CLYBL: variants seen among roughly 807,000 people sequenced by gnomAD.
CLYBL encodes the protein citramalyl-CoA lyase, mitochondrial.
In CLYBL, 31 loss-of-function variants were observed where a neutral mutation model predicts 38.9. The observed-to-expected ratio is 0.80, with a 90% CI of 0.60 to 1.08. The LOEUF (loss-of-function observed/expected upper bound fraction) is 1.08, where lower values mean the gene tolerates loss of function less well. Among genes scored for constraint, CLYBL ranks in the 50% least tolerant of loss-of-function variants. The pLI is 0.00. For missense variants in CLYBL, 434 were observed against 411.6 expected (o/e 1.05, Z -0.47); for synonymous variants, 171 against 158.6 (o/e 1.08, Z -0.59).
At chr13:99,890,072 C>A (rs905285209) in intron 7 of CLYBL, among the ~76,000 whole-genome samples, 1 of 152,184 alleles carries the variant, frequency 6.6e-6, no homozygotes, top group Non-Finnish European at 1.5e-5. Flanking sequence ...CACAAATAAC[C>A]AGACATTAAC....
intron 1 of CLYBL, among the ~76,000 whole-genome samples, chr13:99,676,544 C>T (rs2047654828): frequency 1.3e-5 from 2 of 151,868 alleles, no homozygotes; most frequent in African/African-American, 4.8e-5. Flanking sequence ...GTCACCTCAG[C>T]CTCCCAAAGT....
intron 2 of CLYBL, among the ~76,000 whole-genome samples, chr13:99,828,487 C>T (rs1369653127): frequency 6.6e-6 from 1 of 152,160 alleles, no homozygotes; most frequent in East Asian, 1.9e-4. Flanking sequence ...AAAATGGTAT[C>T]ATTTCCTAGT....
intron 2 of CLYBL, among the ~76,000 whole-genome samples, chr13:99,832,156 A>G (rs541391623): frequency 6.6e-6 from 1 of 152,256 alleles, no homozygotes; most frequent in Admixed American, 6.5e-5. Flanking sequence ...TTGTGTTCTT[A>G]TTTGCTTTTC....
At chr13:99,780,934 G>A (rs1274558077) in intron 2 of CLYBL, among the ~76,000 whole-genome samples, 1 of 144,786 alleles carries the variant, frequency 6.9e-6, no homozygotes, top group Non-Finnish European at 1.5e-5. Flanking sequence ...GTCTGGTCTC[G>A]AACTCCTGAC....
At chr13:99,903,673 G>T (rs1206545683) in intron 8 of CLYBL, among the ~76,000 whole-genome samples, 1 of 152,096 alleles carries the variant, frequency 6.6e-6, no homozygotes, top group East Asian at 1.9e-4. Context: ...TTCTAAATTC[G>T]TAAGATCTGC....
chr13:99,864,720 G>C, intron 4 of CLYBL, 98 bp from the exon 5 acceptor site: 1 of 799,048 alleles, frequency 1.3e-6, no homozygotes, highest in Non-Finnish European at 2.1e-6. Flanking sequence ...GCCAAACTGT[G>C]TTAAGAGTCA....
chr13:99,854,699 A>G (rs919756740), intron 2 of CLYBL, among the ~76,000 whole-genome samples: 7 of 152,148 alleles, frequency 4.6e-5, no homozygotes, highest in African/African-American at 7.2e-5. Flanking sequence ...ATGGGTGCCA[A>G]TTGAACCAAC....
At chr13:99,748,533 C>T (rs1012510440) in intron 1 of CLYBL, among the ~76,000 whole-genome samples, 7 of 146,220 alleles carry the variant, frequency 4.8e-5, no homozygotes, top group African/African-American at 7.6e-5. Context: ...TCCGCCTCCC[C>T]GGTTCAAGCG....
At chr13:99,616,656 TTAA>T (rs1266499489) in intron 1 of CLYBL, among the ~76,000 whole-genome samples, 1 of 152,158 alleles carries the variant, frequency 6.6e-6, no homozygotes, top group Non-Finnish European at 1.5e-5. Context: ...GGTGCTCTAT[TTAA>T]TAATAAAGGA....
chr13:99,728,578 T>C (rs1399643480), intron 1 of CLYBL, among the ~76,000 whole-genome samples: 3 of 151,890 alleles, frequency 2.0e-5, no homozygotes, highest in African/African-American at 7.2e-5. Context: ...TTCTTTTTTT[T>C]TTTTTCTTTT....
chr13:99,747,039 A>G (rs190687614), intron 1 of CLYBL, among the ~76,000 whole-genome samples: 4 of 152,216 alleles, frequency 2.6e-5, no homozygotes, highest in African/African-American at 4.8e-5. Context: ...AGGAAAAAAA[A>G]TCCCTCCAGT....
At chr13:99,844,150 C>T (rs773188685) in intron 2 of CLYBL, among the ~76,000 whole-genome samples, 4 of 152,110 alleles carry the variant, frequency 2.6e-5, no homozygotes, top group African/African-American at 4.8e-5. Flanking sequence ...TACAGGCTAT[C>T]GGGTAACTCA....
intron 1 of CLYBL, among the ~76,000 whole-genome samples, chr13:99,697,939 C>T (rs2048005144): frequency 6.6e-6 from 1 of 152,168 alleles, no homozygotes; most frequent in African/African-American, 2.4e-5. Flanking sequence ...TGAGCCACCC[C>T]ACCGGGCCTC....
intron 1 of CLYBL, among the ~76,000 whole-genome samples, chr13:99,768,273 C>T (rs2138769442): frequency 7.1e-6 from 1 of 141,464 alleles, no homozygotes; most frequent in East Asian, 2.1e-4. Flanking sequence ...CAGCTCACTG[C>T]AGCCTACACT....
At chr13:99,617,603 GTC>G (rs1260343203) in intron 1 of CLYBL, among the ~76,000 whole-genome samples, 4 of 151,142 alleles carry the variant, frequency 2.6e-5, no homozygotes, top group Admixed American at 1.3e-4. Context: ...GATGCACGCA[GTC>G]TCTGCAGTCT....
intron 1 of CLYBL, among the ~76,000 whole-genome samples, chr13:99,741,564 G>C (rs934315471): frequency 1.3e-5 from 2 of 151,812 alleles, no homozygotes; most frequent in East Asian, 3.9e-4. Flanking sequence ...GGGGGGTGGG[G>C]GTCGGGGGAC....
At chr13:99,765,656 CT>C (rs1384473255) in intron 1 of CLYBL, among the ~76,000 whole-genome samples, 1 of 151,960 alleles carries the variant, frequency 6.6e-6, no homozygotes, top group African/African-American at 2.4e-5. Flanking sequence ...CAAATCCTCC[CT>C]CTCAGCCTCC....
intron 2 of CLYBL, among the ~76,000 whole-genome samples, chr13:99,831,821 C>T (rs1356055981): frequency 6.7e-6 from 1 of 149,574 alleles, no homozygotes; most frequent in East Asian, 2.0e-4. Flanking sequence ...AACTTTGTTT[C>T]TGTACCAGAT....
chr13:99,713,224 A>T (rs1057227500), intron 1 of CLYBL, among the ~76,000 whole-genome samples: 57 of 150,160 alleles, frequency 3.8e-4, no homozygotes, highest in African/African-American at 1.3e-3. Context: ...CTTTGCATTG[A>T]TGTACTTTGA....
Sources: gnomAD v4.1 joint callset for allele counts (sites outside exome capture counted in the v4.1 genomes callset) on GRCh38, gnomAD v4.1.1 for gene constraint, MANE v1.5 for transcripts, NCBI Gene and HGNC (gene_info 2026-07-23, HGNC 2026-07-21) for gene names.